Variants in DUSP5 observed in about 807,000 individuals in gnomAD.
The protein encoded by DUSP5 is dual specificity phosphatase 5, also known as dual specificity protein phosphatase 5.
DUSP5 carries 22 observed loss-of-function variants against 33.6 expected under a neutral mutation model. The observed-to-expected ratio is 0.66, with a 90% CI of 0.47 to 0.94. DUSP5 has a LOEUF of 0.94. Among genes scored for constraint, DUSP5 ranks in the 40% least tolerant of loss-of-function variants. The probability of loss-of-function intolerance (pLI) is 0.00; values close to 1 mark genes in which losing one functional copy is unlikely to be tolerated. For synonymous variants in DUSP5, 270 were observed against 231.1 expected, an observed-to-expected ratio of 1.17 and a Z score of -1.53; for missense variants, 551 against 522.1, an observed-to-expected ratio of 1.06 and a Z score of -0.54.
intron 1 of DUSP5, 72 bp downstream of exon 1, chr10:110,498,572 C>T (rs1450576220): frequency 3.0e-6 from 4 of 1,351,500 alleles, no homozygotes; most frequent in Non-Finnish European, 3.8e-6. Context: ...CCGGGGCGCC[C>T]TCCTACACCC....
In DUSP5 at chr10:110,498,146, C is replaced by T; in HGVS notation, c.25C>T (p.Arg9Cys). The change falls in exon 1 of 4, where the codon CGC (arginine) becomes TGC (cysteine). Residue 9 changes from arginine (R) to cysteine (C), a missense_variant. Arg to Cys is a radical substitution (Grantham distance 180, BLOSUM62 -3). Coordinates refer to ENST00000369583, the MANE Select transcript of DUSP5 (RefSeq NM_004419.4). ...CATGAAGGTCACGTCGCTCGACGGG[C>T]GCCAGCTGCGCAAGATGCTCCGCAA... MKVTSLDG[R>C]QLRKMLRKEA... 6.9e-7 allele frequency: 1 copy of T among 1,458,056 alleles called. No individual in the cohort carries two copies. The highest frequency in any genetic ancestry group is 9.1e-7 in the Non-Finnish European group (1 of 1,100,444). The allele number at this position is 1,458,056 out of a possible 1,614,324, so 90.3% of individuals were successfully genotyped here.
intron 2 of DUSP5, among the ~76,000 whole-genome samples, chr10:110,506,366 A>G (rs963129147): frequency 6.6e-6 from 1 of 152,206 alleles, no homozygotes; most frequent in African/African-American, 2.4e-5. Context: ...TAGGAATTCA[A>G]GATTACAGTG....
chr10:110,509,454 G>A (rs1860159324), intron 3 of DUSP5, among the ~76,000 whole-genome samples: 1 of 152,204 alleles, frequency 6.6e-6, no homozygotes, highest in Admixed American at 6.5e-5. Flanking sequence ...TCCTGCCCTG[G>A]CACAGCCAGA....
Position 110,506,962 on chromosome 10 carries a change from C to T in DUSP5, c.556C>T (p.Leu186Phe). The T allele has an allele frequency of 6.2e-7, 1 of 1,614,286 alleles. No homozygotes were observed. Among genetic ancestry groups the T allele is most frequent in the South Asian group, 1.1e-5 (1 of 91,090 alleles). Residue 186 changes from leucine to phenylalanine, a missense_variant, in exon 3 of 4, where the codon CTC becomes TTC. Around this residue, in one of 3 missense-constraint regions of DUSP5, gnomAD observed 381 missense variants for 310.4 expected, o/e 1.23. Coordinates refer to ENST00000369583, the MANE Select transcript of DUSP5 (RefSeq NM_004419.4). ...TGGCCCAGTTGAAATCCTTCCCTTC[C>T]TCTACCTTGGAAGTGCCTACCATGC... ...QGGPVEILPFLYLGSAYHASK... is the reference protein window; with the variant it reads ...QGGPVEILPFFYLGSAYHASK...
Position 110,507,009 on chromosome 10 carries a change from C to T in DUSP5, c.603C>T (p.Ala201=), listed in dbSNP as rs1334790257. 1 of 1,614,272 alleles carries T rather than the reference C, an allele frequency of 6.2e-7. No individual in the cohort carries two copies. Among genetic ancestry groups the T allele is most frequent in the Non-Finnish European group, 8.5e-7 (1 of 1,180,054 alleles). ...ATGCATCCAAGTGCGAGTTCCTCGCCAACCTGCACATCACAGCCCTGCTGA... is the reference window on the plus strand; with the variant it reads ...ATGCATCCAAGTGCGAGTTCCTCGCTAACCTGCACATCACAGCCCTGCTGA... The part of the protein sequence containing the change: ...AYHASKCEFL[A]NLHITALLNV... Residue 201 remains alanine (A), a synonymous_variant, in exon 3 of 4, where the codon GCC becomes GCT. Coordinates refer to ENST00000369583, the MANE Select transcript of DUSP5 (RefSeq NM_004419.4).
chr10:110,499,589 TCA>T (rs1463339240), intron 1 of DUSP5, among the ~76,000 whole-genome samples: 5 of 152,212 alleles, frequency 3.3e-5, no homozygotes, highest in Admixed American at 6.5e-5. Flanking sequence ...AACTTGAGTT[TCA>T]CACAGTCCGG....
intron 1 of DUSP5, among the ~76,000 whole-genome samples, chr10:110,500,863 C>T (rs1252374286): frequency 1.3e-5 from 2 of 152,222 alleles, no homozygotes; most frequent in Non-Finnish European, 2.9e-5. Flanking sequence ...CTTGAAGAGG[C>T]AGGACCCTGT....
intron 2 of DUSP5, among the ~76,000 whole-genome samples, chr10:110,504,576 A>G (rs1337260650): frequency 6.6e-6 from 1 of 152,138 alleles, no homozygotes; most frequent in Non-Finnish European, 1.5e-5. Flanking sequence ...GGGGACCCAT[A>G]AGTCATCAGT....
chr10:110,498,013 C>T lies in DUSP5; in HGVS notation c.-109C>T. 2 of 926,464 alleles carry T rather than the reference C, an allele frequency of 2.2e-6. No homozygotes were observed. Among genetic ancestry groups the T allele is most frequent in the Non-Finnish European group, 2.6e-6 (2 of 774,102 alleles). The allele number at this position is 926,464 out of a possible 1,614,324, so 57.4% of individuals were successfully genotyped here. A position where few individuals can be genotyped will look rare whatever the true frequency, so the allele number is the denominator to read the frequency against. ...GGGCTCCGTCGCGGCCGCAGCCCCG[C>T]GGGTCGCCCTCCCGTGCCTCGCCCG... On this transcript the variant is annotated 5_prime_UTR_variant, in exon 1 of 4. Coordinates refer to ENST00000369583, the MANE Select transcript of DUSP5 (RefSeq NM_004419.4).
chr10:110,510,366 T>C lies in DUSP5; in HGVS notation c.1095T>C (p.Pro365=). The C allele has an allele frequency of 6.2e-7, 1 of 1,612,900 alleles. No homozygotes were observed. Among genetic ancestry groups the C allele is most frequent in the Non-Finnish European group, 8.5e-7 (1 of 1,179,460 alleles). ...CTGCCTCGGTGCTGGCACCGGTGCCTACCCACTCAACAGTCTCAGAGCTCA... is the reference window on the plus strand; with the variant it reads ...CTGCCTCGGTGCTGGCACCGGTGCCCACCCACTCAACAGTCTCAGAGCTCA... ...TFPASVLAPV[P]THSTVSELSR... The change falls in exon 4 of 4, where the codon CCT becomes CCC. Residue 365 remains proline, a synonymous_variant. Transcript: ENST00000369583.
rs773586147 is a variant in DUSP5, at chr10:110,502,857, A to T, written c.516A>T (p.Pro172=). 6.2e-7 allele frequency: 1 copy of T among 1,614,200 alleles called. No individual in the cohort carries two copies. Among genetic ancestry groups the T allele is most frequent in the South Asian group, 1.1e-5 (1 of 91,084 alleles). The part of the protein sequence containing the change: ...GKPVVNVSYR[P]AYDQGGPVEI... ...CAGTGGTAAATGTCAGCTACAGGCC[A>T]GCTTATGACCAGGTACGTGATGTGA... The change falls in exon 2 of 4, where the codon CCA becomes CCT. Residue 172 remains proline (P), a synonymous_variant. Coordinates refer to ENST00000369583, the MANE Select transcript of DUSP5 (RefSeq NM_004419.4).
rs1366804484 is a variant in DUSP5 at position 110,498,507 on chromosome 10, G to C, written c.379+7G>C. The C allele has an allele frequency of 6.7e-7, 1 of 1,503,012 alleles. No homozygotes were observed. Among genetic ancestry groups the C allele is most frequent in the South Asian group, 1.2e-5 (1 of 80,710 alleles). The allele number at this position is 1,503,012 out of a possible 1,614,324, so 93.1% of individuals were successfully genotyped here. A position where few individuals can be genotyped will look rare whatever the true frequency, so the allele number is the denominator to read the frequency against. Reference sequence around the variant, plus strand: ...CGGGTCTACTTCCTCAAAGGTGAGCGCTCGGGGTCCCTGCCACGCTCGCCC... The same window carrying C: ...CGGGTCTACTTCCTCAAAGGTGAGCCCTCGGGGTCCCTGCCACGCTCGCCC... On this transcript the variant is annotated splice_region_variant and intron_variant, in intron 1 of 3. Coordinates refer to ENST00000369583, the MANE Select transcript of DUSP5 (RefSeq NM_004419.4).
In DUSP5 at chr10:110,507,293, C is replaced by G. The variant is rs116932047; in HGVS notation, c.748+139C>G. 2,659 of 835,238 alleles carry G rather than the reference C, an allele frequency of 3.2e-3. 8 individuals are homozygous for G. Among genetic ancestry groups the G allele is most frequent in the Non-Finnish European group, 4.4e-3 (2,411 of 552,014 alleles). 51.7% of individuals were successfully genotyped at this position (835,238 alleles called of 1,614,324 possible). Reference sequence around the variant, plus strand: ...TGCCGCTGCTGAGAGTTGGAGCCAACATGGGATGCAGCTACCAAAAAGGTG... The same window carrying G: ...TGCCGCTGCTGAGAGTTGGAGCCAAGATGGGATGCAGCTACCAAAAAGGTG... On this transcript the variant is annotated intron_variant, in intron 3 of 3. Coordinates refer to ENST00000369583, the MANE Select transcript of DUSP5 (RefSeq NM_004419.4).
At chr10:110,508,566 C>T (rs1285733182) in intron 3 of DUSP5, among the ~76,000 whole-genome samples, 1 of 152,124 alleles carries the variant, frequency 6.6e-6, no homozygotes, top group African/African-American at 2.4e-5. Context: ...TATATGCTGA[C>T]CCCTTCCAAG....
In DUSP5 at chr10:110,510,198, G is replaced by C; in HGVS notation, c.927G>C (p.Gln309His). The C allele has an allele frequency of 6.2e-7, 1 of 1,614,236 alleles. No individual in the cohort carries two copies. The highest frequency in any genetic ancestry group is 8.5e-7 in the Non-Finnish European group (1 of 1,180,022). Residue 309 changes from glutamine to histidine, a missense_variant, in exon 4 of 4, where the codon CAG becomes CAC. Physicochemically the swap from Gln to His is conservative, Grantham distance 24 (BLOSUM62 0). Around this residue, in one of 3 missense-constraint regions of DUSP5, gnomAD observed 158 missense variants for 181.8 expected, o/e 0.87. Transcript: ENST00000369583. ...MVSPNFGFMG[Q>H]LLQYESEILP... ...CGCCCAACTTTGGCTTCATGGGCCAGCTCCTGCAGTACGAATCTGAGATCC... is the reference window on the plus strand; with the variant it reads ...CGCCCAACTTTGGCTTCATGGGCCACCTCCTGCAGTACGAATCTGAGATCC...
intron 1 of DUSP5, among the ~76,000 whole-genome samples, chr10:110,500,504 A>C (rs1860031406): frequency 6.6e-6 from 1 of 152,216 alleles, no homozygotes; most frequent in African/African-American, 2.4e-5. Flanking sequence ...TCATGTGCAG[A>C]TAGGAGTTCA....
chr10:110,497,971 G>T lies in DUSP5; in HGVS notation c.-151G>T. The T allele has an allele frequency of 7.1e-6, 4 of 566,740 alleles. No individual in the cohort carries two copies. Among genetic ancestry groups the T allele is most frequent in the Non-Finnish European group, 8.9e-6 (4 of 447,756 alleles). The allele number at this position is 566,740 out of a possible 1,614,324, so 35.1% of individuals were successfully genotyped here. A position where few individuals can be genotyped will look rare whatever the true frequency, so the allele number is the denominator to read the frequency against. ...GAGCGGGGCGGGAACGCGGAGTTGC[G>T]CCGCCGCTCGGGCGCCGGGCTCCGT... On this transcript the variant is annotated 5_prime_UTR_variant, in exon 1 of 4. Coordinates refer to ENST00000369583, the MANE Select transcript of DUSP5 (RefSeq NM_004419.4).
rs371775746 is a variant in DUSP5, at chr10:110,510,088, A to G, written c.817A>G (p.Ile273Val). The change falls in exon 4 of 4, where the codon ATC becomes GTC. Residue 273 changes from isoleucine to valine, a missense_variant. By Grantham distance (29) the Ile-to-Val change is conservative (BLOSUM62 3). Coordinates refer to ENST00000369583, the MANE Select transcript of DUSP5 (RefSeq NM_004419.4). ...CEAGISRSPT[I>V]CMAYLMKTKQ... is the part of the protein sequence containing the mutation. ...GGCTGGGATCTCCCGTTCACCCACC[A>G]TCTGCATGGCTTACCTTATGAAGAC... The G allele has an allele frequency of 1.9e-6, 3 of 1,613,980 alleles. No homozygotes were observed. The African/African-American group carries it at 4.0e-5, about 22-fold the overall frequency.
rs776574828 is a variant in DUSP5 at position 110,498,233 on chromosome 10, A to T, written c.112A>T (p.Asn38Tyr). 4.4e-5 allele frequency: 66 copies of T among 1,508,970 alleles called. No homozygotes were observed. Among genetic ancestry groups the T allele is most frequent in the Non-Finnish European group, 5.5e-5 (62 of 1,128,014 alleles). The allele number at this position is 1,508,970 out of a possible 1,614,324, so 93.5% of individuals were successfully genotyped here. Residue 38 changes from asparagine (N) to tyrosine (Y), a missense_variant, in exon 1 of 4, where the codon AAC becomes TAC. Physicochemically the swap from Asn to Tyr is moderately radical, Grantham distance 143 (BLOSUM62 -2). Coordinates refer to ENST00000369583, the MANE Select transcript of DUSP5 (RefSeq NM_004419.4). ...GCCCTATCTGGCCTTCGCTGCCTCGAACGTGCGCGGCTCGCTCAACGTCAA... is the reference window on the plus strand; with the variant it reads ...GCCCTATCTGGCCTTCGCTGCCTCGTACGTGCGCGGCTCGCTCAACGTCAA... ...CRPYLAFAAS[N>Y]VRGSLNVNLN...
Sources: allele counts gnomAD v4.1 joint callset (sites outside exome capture counted in the v4.1 genomes callset), GRCh38; gene constraint gnomAD v4.1.1; regional missense constraint gnomAD v4.1.1; transcripts MANE v1.5; gene names NCBI Gene and HGNC (gene_info 2026-07-23, HGNC 2026-07-21).